Variants in TAF1C observed in about 807,000 individuals in gnomAD.
TAF1C encodes the protein TATA-box binding protein associated factor, RNA polymerase I subunit C, also known as TATA box-binding protein-associated factor RNA polymerase I subunit C.
TAF1C carries 79 observed loss-of-function variants against 70.5 expected under a neutral mutation model. That is an observed-to-expected ratio of 1.12 (90% CI 0.93 to 1.35). The LOEUF (loss-of-function observed/expected upper bound fraction) is 1.35. TAF1C is among the 40% of genes most tolerant of loss of function. TAF1C has a pLI of 0.00. For synonymous variants in TAF1C, 614 were observed against 491.1 expected (o/e 1.25, Z -3.31); for missense variants, 1,412 against 1,127.8 (o/e 1.25, Z -3.61).
In TAF1C at chr16:84,183,081, G is replaced by A; in HGVS notation, c.477C>T (p.Pro159=). Residue 159 remains proline (P), a synonymous_variant, in exon 6 of 15, where the codon CCC becomes CCT. Transcript: ENST00000566732. ...CTTTCTCATCAGCCACTTGCCCCCA[G>A]GGCTGGTGTCCACCGAGGTCCTGGA... ...KLLQDLGGHQ[P]WGCPWAYLSN... is the part of the protein sequence containing the mutation. 1 of 1,614,136 alleles carries A rather than the reference G, an allele frequency of 6.2e-7. No homozygotes were observed. The highest frequency in any genetic ancestry group is 8.5e-7 in the Non-Finnish European group (1 of 1,180,032).
Position 84,181,417 on chromosome 16 carries a change from A to C in TAF1C, c.1075T>G (p.Ser359Ala), listed in dbSNP as rs755369815. The C allele has an allele frequency of 6.2e-7, 1 of 1,613,884 alleles. No homozygotes were observed. The highest frequency in any genetic ancestry group is 1.1e-5 in the South Asian group (1 of 91,076). The change falls in exon 11 of 15, where the codon TCC becomes GCC. Residue 359 changes from serine to alanine, a missense_variant. Transcript: ENST00000566732. ...AAGTCTGCCCAACGCCACGAAGAGG[A>C]GTCCCGGAACACGAGGGTCTCAGGG... ...RDPETLVFRD[S>A]SSWRWADFTA...
rs1416743999 is a variant in TAF1C at position 84,182,692 on chromosome 16, A to G, written c.483-252T>C. ...GTGTGAGACCCAAGCCAAGCCAACC[A>G]AAGTCCTTTCTGGGACTTCTGGTGC... On this transcript the variant is annotated intron_variant, in intron 6 of 14. Transcript: ENST00000566732. This position sits in a 1 kb window ranked among gnomAD's most constrained non-coding sequence, Gnocchi z 5.0. Among the ~76,000 whole-genome samples, 3 of 152,186 alleles carry G rather than the reference A, an allele frequency of 2.0e-5. No homozygotes were observed. The highest frequency in any genetic ancestry group is 4.4e-5 in the Non-Finnish European group (3 of 68,026).
intron 1 of TAF1C, 79 bp from the exon 2 acceptor site, chr16:84,185,139 G>C: frequency 1.1e-6 from 1 of 940,552 alleles, no homozygotes; most frequent in East Asian, 2.7e-5. Flanking sequence ...TGTAGCCCAA[G>C]GCCAAGCAGT....
chr16:84,181,975 G>C lies in TAF1C; in HGVS notation c.805C>G (p.Arg269Gly), dbSNP rs373837775. ...TGGACGGTGCATGTCACCACTTGCC[G>C]GACAGGTCCCTGGAGCTGGATGCGT... ...PGRIQLQGPV[R>G]QVVTCTVQGE... is the part of the protein sequence containing the mutation. Residue 269 changes from arginine to glycine, a missense_variant, in exon 8 of 15, where the codon CGG becomes GGG. Transcript: ENST00000566732. 3.1e-6 allele frequency: 5 copies of C among 1,613,766 alleles called. No homozygotes were observed. Among genetic ancestry groups the C allele is most frequent in the African/African-American group, 1.3e-5 (1 of 74,930 alleles).
In TAF1C at chr16:84,178,668, C is replaced by A; in HGVS notation, c.*273G>T. The A allele has an allele frequency of 1.9e-6, 1 of 518,202 alleles. No homozygotes were observed. Among genetic ancestry groups the A allele is most frequent in the Non-Finnish European group, 3.5e-6 (1 of 286,740 alleles). The allele number at this position is 518,202 out of a possible 1,614,324, so 32.1% of individuals were successfully genotyped here. On this transcript the variant is annotated 3_prime_UTR_variant, in exon 15 of 15. Transcript: ENST00000566732. ...CGCAGCGGAGCCCTGCCTCCCAGCA[C>A]AGACTAAAATCCCAGCAACACAGGC...
Position 84,178,532 on chromosome 16 carries a change from G to A in TAF1C, c.*409C>T, listed in dbSNP as rs2088876885. 4.4e-6 allele frequency: 2 copies of A among 456,736 alleles called. No individual in the cohort carries two copies. Among genetic ancestry groups the A allele is most frequent in the East Asian group, 1.3e-4 (2 of 14,874 alleles). 28.3% of individuals were successfully genotyped at this position (456,736 alleles called of 1,614,324 possible). The stretch of plus-strand genomic sequence containing the variant: ...CCCACCTCATCAGCAGCTCTGCAGG[G>A]GCCTCACTCCACCCTCACCAAACAC... On this transcript the variant is annotated 3_prime_UTR_variant, in exon 15 of 15. Coordinates refer to ENST00000566732, the MANE Select transcript of TAF1C (RefSeq NM_001243156.2).
At position 84,178,070 on chromosome 16, in the gene TAF1C, C is replaced by T; in HGVS notation, c.*871G>A. 1 of 519,452 alleles carries T rather than the reference C, an allele frequency of 1.9e-6. No homozygotes were observed. The highest frequency in any genetic ancestry group is 3.5e-6 in the Non-Finnish European group (1 of 282,294). The allele number at this position is 519,452 out of a possible 1,614,324, so 32.2% of individuals were successfully genotyped here. A position where few individuals can be genotyped will look rare whatever the true frequency, so the allele number is the denominator to read the frequency against. ...TGCAAAATCTCAAGTGAGCATTTTC[C>T]CCACAGGAAAACAGAATCTTCCACT... On this transcript the variant is annotated 3_prime_UTR_variant, in exon 15 of 15. Coordinates refer to ENST00000566732, the MANE Select transcript of TAF1C (RefSeq NM_001243156.2).
In TAF1C at chr16:84,182,533, C is replaced by T. The variant is rs965206452; in HGVS notation, c.483-93G>A. The T allele has an allele frequency of 5.1e-6, 6 of 1,180,808 alleles. No individual in the cohort carries two copies. The highest frequency in any genetic ancestry group is 7.0e-6 in the Non-Finnish European group (6 of 855,478). 73.1% of individuals were successfully genotyped at this position (1,180,808 alleles called of 1,614,324 possible). On this transcript the variant is annotated intron_variant, in intron 6 of 14. Coordinates refer to ENST00000566732, the MANE Select transcript of TAF1C (RefSeq NM_001243156.2). The surrounding 1 kb of genome is among the most constrained non-coding windows in gnomAD (Gnocchi z 5.0). The stretch of plus-strand genomic sequence containing the variant: ...GAGGCCAAGTGCAGTGGACACATTT[C>T]TTATTTACCTAGAATTTCTTCCTTT...
intron 2 of TAF1C, among the ~76,000 whole-genome samples, 157 bp downstream of exon 2, chr16:84,184,694 G>GC (rs2089387044): frequency 6.6e-6 from 1 of 152,170 alleles, no homozygotes; most frequent in Non-Finnish European, 1.5e-5. Flanking sequence ...TGGCAGGGTA[G>GC]CCCATGTACC....
chr16:84,182,313 GCTCCCACCGCAGCACCAGCTC>G lies in TAF1C; in HGVS notation c.589_609del (p.Glu197_Glu203del). On this transcript the variant is annotated inframe_deletion, in exon 7 of 15. Transcript: ENST00000566732. The surrounding 1 kb of genome is among the most constrained non-coding windows in gnomAD (Gnocchi z 5.0). ...GTGCAGGCCTCATCCAGAAGCAGCT[GCTCCCACCGCAGCACCAGCTC>G]CTCGTGCAGCAGCTCTGCCAAGTGG... 6.2e-7 allele frequency: 1 copy of G among 1,612,708 alleles called. No homozygotes were observed. Among genetic ancestry groups the G allele is most frequent in the Non-Finnish European group, 8.5e-7 (1 of 1,179,890 alleles).
chr16:84,184,917 GTCAGGGACGTCGC>G lies in TAF1C; in HGVS notation c.59_71del (p.Ser20ThrfsTer12), dbSNP rs2089400515. On this transcript the variant is annotated frameshift_variant, in exon 2 of 15. Coordinates refer to ENST00000566732, the MANE Select transcript of TAF1C (RefSeq NM_001243156.2). LOFTEE classifies it high-confidence loss of function. Reference sequence around the variant, plus strand: ...CTCGCCAGCTGCACATGAAAGAGAGGTCAGGGACGTCGCTCAGACCAAGGGGGCCGGTCAGAAA... The same window carrying G: ...CTCGCCAGCTGCACATGAAAGAGAGGTCAGACCAAGGGGGCCGGTCAGAAA... 1 of 1,613,720 alleles carries G rather than the reference GTCAGGGACGTCGC, an allele frequency of 6.2e-7. No individual in the cohort carries two copies. Among genetic ancestry groups the G allele is most frequent in the Non-Finnish European group, 8.5e-7 (1 of 1,179,872 alleles).
In TAF1C at chr16:84,181,394, G is replaced by A. The variant is rs1213765366; in HGVS notation, c.1098C>T (p.Asp366=). 2.5e-6 allele frequency: 4 copies of A among 1,613,776 alleles called. No homozygotes were observed. Among genetic ancestry groups the A allele is most frequent in the Admixed American group, 1.7e-5 (1 of 60,002 alleles). ...TCAGCACCCGAGGGTGCGCAGTGAA[G>A]TCTGCCCAACGCCACGAAGAGGAGT... ...FRDSSSWRWA[D]FTAHPRVLTV... Residue 366 remains aspartate, a synonymous_variant, in exon 11 of 15, where the codon GAC becomes GAT. Coordinates refer to ENST00000566732, the MANE Select transcript of TAF1C (RefSeq NM_001243156.2).
chr16:84,184,270 G>C (rs367725483), intron 2 of TAF1C, among the ~76,000 whole-genome samples: 1 of 152,110 alleles, frequency 6.6e-6, no homozygotes, highest in Non-Finnish European at 1.5e-5. Context: ...ACCCTCCCTC[G>C]TAAGGATGCC....
chr16:84,180,074 G>A lies in TAF1C; in HGVS notation c.1493C>T (p.Ala498Val), dbSNP rs759498955. 17 of 1,597,448 alleles carry A rather than the reference G, an allele frequency of 1.1e-5. 1 individual carries two copies. Among genetic ancestry groups the A allele is most frequent in the South Asian group, 2.3e-5 (2 of 88,410 alleles). The change falls in exon 14 of 15, where the codon GCG becomes GTG. Residue 498 changes from alanine to valine, a missense_variant. Ala to Val is a moderately conservative substitution (Grantham distance 64). Transcript: ENST00000566732. ...LQLLHLAGEG[A>V]SVPRLAGPPQ... ...GGGGCCTGCCAGGCGGGGCACCGAC[G>A]CCCCTTCTCCTGAGGAAGGACAGAC...
rs750949459 is a variant in TAF1C at position 84,179,159 on chromosome 16, A to T, written c.2314T>A (p.Leu772Met). 2.4e-5 allele frequency: 39 copies of T among 1,604,088 alleles called. No individual in the cohort carries two copies. In the East Asian group the frequency reaches 8.3e-4, roughly 34 times the overall value. ...CCCTGGGCGCATGCATCCGGAGTCA[A>T]CTCCTGGGAGGGCGGGGTCGTGGGG... ...LPPTTPPSQE[L>M]TPDACAQGVP... Residue 772 changes from leucine (L) to methionine (M), a missense_variant, in exon 15 of 15, where the codon TTG becomes ATG. By Grantham distance (15) the Leu-to-Met change is conservative. Coordinates refer to ENST00000566732, the MANE Select transcript of TAF1C (RefSeq NM_001243156.2).
Position 84,178,813 on chromosome 16 carries a change from T to C in TAF1C, c.*128A>G, listed in dbSNP as rs918943720. The C allele has an allele frequency of 5.7e-6, 6 of 1,044,626 alleles. No homozygotes were observed. The African/African-American group carries it at 6.4e-5, about 11-fold the overall frequency. 64.7% of individuals were successfully genotyped at this position (1,044,626 alleles called of 1,614,324 possible). A position where few individuals can be genotyped will look rare whatever the true frequency, so the allele number is the denominator to read the frequency against. ...TCAACTTGGCTCCAAATTGCTTGGC[T>C]CATCATCACAGTGGCCTCCAGAAGG... is the stretch of plus-strand genomic sequence containing the variant. On this transcript the variant is annotated 3_prime_UTR_variant, in exon 15 of 15. Transcript: ENST00000566732.
chr16:84,180,218 G>A lies in TAF1C; in HGVS notation c.1435C>T (p.Leu479=). The change falls in exon 13 of 15, where the codon CTG becomes TTG. Residue 479 remains leucine (L), a synonymous_variant. Coordinates refer to ENST00000566732, the MANE Select transcript of TAF1C (RefSeq NM_001243156.2). ...PPPRPSCVQP[L]LLGGQGGQLQ... The stretch of plus-strand genomic sequence containing the variant: ...TGCCCACCCTGGCCTCCGAGGAGCA[G>A]GGGCTGCACGCAGCTGGGCCGGGGC... 1 of 1,538,480 alleles carries A rather than the reference G, an allele frequency of 6.5e-7. No individual in the cohort carries two copies. The highest frequency in any genetic ancestry group is 2.4e-5 in the East Asian group (1 of 41,868).
rs1192347731 is a variant in TAF1C at position 84,182,691 on chromosome 16, C to G, written c.483-251G>C. 6.6e-6 allele frequency among the ~76,000 whole-genome samples: 1 copy of G among 152,220 alleles called. No homozygotes were observed. Among genetic ancestry groups the G allele is most frequent in the Admixed American group, 6.5e-5 (1 of 15,284 alleles). Reference sequence around the variant, plus strand: ...GGTGTGAGACCCAAGCCAAGCCAACCAAAGTCCTTTCTGGGACTTCTGGTG... The same window carrying G: ...GGTGTGAGACCCAAGCCAAGCCAACGAAAGTCCTTTCTGGGACTTCTGGTG... On this transcript the variant is annotated intron_variant, in intron 6 of 14. Transcript: ENST00000566732. This position sits in a 1 kb window ranked among gnomAD's most constrained non-coding sequence, Gnocchi z 5.0.
rs1008034720 is a variant in TAF1C at position 84,178,602 on chromosome 16, G to A, written c.*339C>T. 25 of 427,266 alleles carry A rather than the reference G, an allele frequency of 5.9e-5. No individual in the cohort carries two copies. Among genetic ancestry groups the A allele is most frequent in the African/African-American group, 3.0e-4 (15 of 49,484 alleles). The allele number at this position is 427,266 out of a possible 1,614,324, so 26.5% of individuals were successfully genotyped here. A position where few individuals can be genotyped will look rare whatever the true frequency, so the allele number is the denominator to read the frequency against. On this transcript the variant is annotated 3_prime_UTR_variant, in exon 15 of 15. Coordinates refer to ENST00000566732, the MANE Select transcript of TAF1C (RefSeq NM_001243156.2). ...CCCCCATTCCACTGGACAGGAAGGC[G>A]TGAGAACTGAGGGACCTGCCTGAGG...
Sources: gnomAD v4.1 joint callset for allele counts (sites outside exome capture counted in the v4.1 genomes callset) on GRCh38, gnomAD v4.1.1 for gene constraint, Gnocchi (gnomAD v3.1) non-coding constraint, MANE v1.5 for transcripts, NCBI Gene and HGNC (gene_info 2026-07-23, HGNC 2026-07-21) for gene names.